Variants in MOXD1 observed in about 807,000 individuals in gnomAD.
The protein encoded by MOXD1 is monooxygenase DBH like 1, also known as DBH-like monooxygenase protein 1.
A neutral mutation model predicts 66.6 loss-of-function variants in MOXD1; 62 were observed. The ratio of observed to expected loss-of-function variants is 0.93; its 90% CI spans 0.76 to 1.15. The LOEUF is 1.15. Among genes scored for constraint, MOXD1 ranks in the 50% most tolerant of loss-of-function variants. The pLI is 0.00. For synonymous variants in MOXD1, 303 were observed against 281.9 expected (o/e 1.07, Z -0.75); for missense variants, 847 against 754.6 (o/e 1.12, Z -1.44).
At chr6:132,340,230 G>T (rs1775523707) in intron 4 of MOXD1, among the ~76,000 whole-genome samples, 1 of 152,040 alleles carries the variant, frequency 6.6e-6, no homozygotes, top group South Asian at 2.1e-4. Flanking sequence ...TAAGGGATTT[G>T]CTTCAAATAA....
intron 10 of MOXD1, among the ~76,000 whole-genome samples, chr6:132,304,977 T>C (rs556956798): frequency 1.3e-5 from 2 of 152,218 alleles, no homozygotes; most frequent in Non-Finnish European, 2.9e-5. Context: ...GTCTCTCAAC[T>C]GGAATCTGCT....
At chr6:132,341,157 G>C (rs895148883) in intron 4 of MOXD1, among the ~76,000 whole-genome samples, 8 of 152,284 alleles carry the variant, frequency 5.3e-5, no homozygotes, top group Non-Finnish European at 8.8e-5. Context: ...GGTATTAAGA[G>C]GTAGGGTCTT....
chr6:132,299,646 T>C (rs957215894), intron 10 of MOXD1, among the ~76,000 whole-genome samples: 39 of 152,238 alleles, frequency 2.6e-4, no homozygotes, highest in Admixed American at 9.2e-4. Flanking sequence ...GTGTTGTCTT[T>C]CATTAAATAT....
At chr6:132,338,302 T>C (rs1348429553) in intron 4 of MOXD1, among the ~76,000 whole-genome samples, 2 of 152,288 alleles carry the variant, frequency 1.3e-5, no homozygotes, top group East Asian at 3.9e-4. Context: ...CCAAGAACAC[T>C]TCAGATCCCT....
chr6:132,317,261 C>T (rs935053151), intron 9 of MOXD1, among the ~76,000 whole-genome samples: 1 of 152,082 alleles, frequency 6.6e-6, no homozygotes. Flanking sequence ...AACCTAGGGG[C>T]TAATATACAA....
intron 4 of MOXD1, among the ~76,000 whole-genome samples, chr6:132,349,436 C>T (rs13201812): frequency 0.042 from 706 of 16,940 alleles, 52 homozygotes; most frequent in Middle Eastern, 0.21. Flanking sequence ...TATATATATA[C>T]ATATATATAT....
intron 4 of MOXD1, among the ~76,000 whole-genome samples, chr6:132,331,245 A>T (rs1197832220): frequency 6.6e-6 from 1 of 152,192 alleles, no homozygotes; most frequent in East Asian, 1.9e-4. Flanking sequence ...ATATTCAGGC[A>T]CATGTGAGAT....
chr6:132,336,121 C>A (rs1315411414), intron 4 of MOXD1, among the ~76,000 whole-genome samples: 2 of 152,162 alleles, frequency 1.3e-5, no homozygotes, highest in Admixed American at 6.5e-5. Context: ...TGGAACACAG[C>A]TCTTCAAAAA....
intron 10 of MOXD1, among the ~76,000 whole-genome samples, chr6:132,300,371 C>T (rs1774505162): frequency 1.3e-5 from 2 of 152,104 alleles, no homozygotes; most frequent in Admixed American, 1.3e-4. Flanking sequence ...GCACTAAAAG[C>T]TACAGCTATT....
chr6:132,377,330 T>G (rs889353565), intron 1 of MOXD1, among the ~76,000 whole-genome samples: 2 of 152,218 alleles, frequency 1.3e-5, no homozygotes, highest in Non-Finnish European at 2.9e-5. Flanking sequence ...TTAGATCAGT[T>G]AACTGTGCCT....
At position 132,313,871 on chromosome 6, in the gene MOXD1, C is replaced by T. The variant is rs1484491183; in HGVS notation, c.1508+1764G>A. ...CAGAGGTTGCAGTGAGCTGAGATCG[C>T]GTCACTGCACTCCAGCCTGGGTGAC... On this transcript the variant is annotated intron_variant, in intron 10 of 11. Transcript: ENST00000367963. Among the ~76,000 whole-genome samples the T allele has an allele frequency of 3.3e-5, 5 of 152,026 alleles. 1 individual carries two copies. The East Asian group carries it at 5.8e-4, about 18-fold the overall frequency.
intron 10 of MOXD1, among the ~76,000 whole-genome samples, chr6:132,315,009 A>G (rs2114555243): frequency 6.6e-6 from 1 of 152,346 alleles, no homozygotes; most frequent in Admixed American, 6.5e-5. Context: ...CTTAAATAGT[A>G]AACGATTTCC....
chr6:132,311,058 T>C (rs1375451376), intron 10 of MOXD1, among the ~76,000 whole-genome samples: 1 of 152,202 alleles, frequency 6.6e-6, no homozygotes. Context: ...GTGTATTCAA[T>C]TGAACTTATG....
At chr6:132,342,604 A>C (rs1048805493) in intron 4 of MOXD1, among the ~76,000 whole-genome samples, 12 of 152,146 alleles carry the variant, frequency 7.9e-5, no homozygotes, top group Non-Finnish European at 1.8e-4. Context: ...AGATCTTGCT[A>C]TTCTTTGACA....
chr6:132,372,860 G>C lies in MOXD1; in HGVS notation c.549C>G (p.Ala183=), dbSNP rs767899171. The C allele has an allele frequency of 3.1e-6, 5 of 1,614,024 alleles. No homozygotes were observed. Among genetic ancestry groups the C allele is most frequent in the Non-Finnish European group, 4.2e-6 (5 of 1,179,926 alleles). Residue 183 remains alanine, a synonymous_variant, in exon 3 of 12, where the codon GCC becomes GCG. Coordinates refer to ENST00000367963, the MANE Select transcript of MOXD1 (RefSeq NM_015529.4). Reference sequence around the variant, plus strand: ...GATTTACCAGATCAAAGTATGGTAAGGCTGTAGATAGCACACTAGTTTTCT... The same window carrying C: ...GATTTACCAGATCAAAGTATGGTAACGCTGTAGATAGCACACTAGTTTTCT... The part of the protein sequence containing the change: ...NPEKTSVLST[A]LPYFDLVNQD...
At position 132,322,610 on chromosome 6, in the gene MOXD1, G is replaced by A. The variant is rs182842742; in HGVS notation, c.1305+69C>T. The A allele has an allele frequency of 6.8e-6, 10 of 1,474,166 alleles. No homozygotes were observed. In the East Asian group the frequency reaches 1.6e-4, roughly 24 times the overall value. 91.3% of individuals were successfully genotyped at this position (1,474,166 alleles called of 1,614,324 possible). ...AATTCATTTCACTAGTAGAAACCTT[G>A]CCACATCTCAGCAGATATGTCTCAT... On this transcript the variant is annotated intron_variant, in intron 8 of 11. Coordinates refer to ENST00000367963, the MANE Select transcript of MOXD1 (RefSeq NM_015529.4).
chr6:132,374,806 G>C, intron 1 of MOXD1, 29 bp from the exon 2 acceptor site: 1 of 1,592,164 alleles, frequency 6.3e-7, no homozygotes, highest in Non-Finnish European at 8.6e-7. Flanking sequence ...AGAAAAATCA[G>C]GATACCTAAA....
intron 4 of MOXD1, among the ~76,000 whole-genome samples, chr6:132,361,466 T>C (rs1338148677): frequency 6.6e-6 from 1 of 152,200 alleles, no homozygotes; most frequent in East Asian, 1.9e-4. Context: ...ATTTGTTGAA[T>C]AAAATACTTT....
chr6:132,303,877 AT>A (rs1774626934), intron 10 of MOXD1, among the ~76,000 whole-genome samples: 18 of 46,056 alleles, frequency 3.9e-4, no homozygotes, highest in South Asian at 7.6e-4. Flanking sequence ...ATATATATAT[AT>A]ACATATATAC....
Sources: gnomAD v4.1 joint callset for allele counts (sites outside exome capture counted in the v4.1 genomes callset) on GRCh38, gnomAD v4.1.1 for gene constraint, MANE v1.5 for transcripts, NCBI Gene and HGNC (gene_info 2026-07-23, HGNC 2026-07-21) for gene names.